Variants in NLGN1 observed in about 807,000 individuals in gnomAD.
NLGN1 encodes the protein neuroligin-1.
NLGN1 carries 12 observed loss-of-function variants against 65.5 expected under a neutral mutation model. The ratio of observed to expected loss-of-function variants is 0.18; its 90% CI spans 0.12 to 0.30. The LOEUF (loss-of-function observed/expected upper bound fraction) is 0.30, where lower values mean the gene tolerates loss of function less well. Among genes scored for constraint, NLGN1 ranks in the 10% least tolerant of loss-of-function variants. The pLI is 1.00. For missense variants in NLGN1, 750 were observed against 1,007.1 expected (o/e 0.74, Z 3.46); for synonymous variants, 350 against 359.5 (o/e 0.97, Z 0.30).
intron 4 of NLGN1, among the ~76,000 whole-genome samples, chr3:173,984,518 GTC>G (rs761550055): frequency 6.6e-6 from 1 of 152,056 alleles, no homozygotes; most frequent in African/African-American, 2.4e-5. Context: ...AAATTACTAT[GTC>G]TCTTTCTTAA....
intron 1 of NLGN1, among the ~76,000 whole-genome samples, chr3:173,405,620 A>G (rs527829747): frequency 2.0e-5 from 3 of 152,276 alleles, no homozygotes; most frequent in Non-Finnish European, 4.4e-5. Context: ...AGAAAGTATG[A>G]TTAAAATATA....
At chr3:173,499,535 C>T (rs1730649005) in intron 2 of NLGN1, among the ~76,000 whole-genome samples, 1 of 151,766 alleles carries the variant, frequency 6.6e-6, no homozygotes, top group South Asian at 2.1e-4. Flanking sequence ...CTTGGCAATG[C>T]AGGCTCTTTT....
At chr3:173,760,731 T>C (rs1306496679) in intron 3 of NLGN1, among the ~76,000 whole-genome samples, 1 of 152,016 alleles carries the variant, frequency 6.6e-6, no homozygotes, top group Non-Finnish European at 1.5e-5. Flanking sequence ...TTTGATAATA[T>C]TAAACCAAAT....
At chr3:173,572,700 T>C (rs1271496393) in intron 2 of NLGN1, among the ~76,000 whole-genome samples, 13 of 152,200 alleles carry the variant, frequency 8.5e-5, no homozygotes, top group Admixed American at 7.9e-4. Context: ...GGAAACCAAA[T>C]ATGTTGCTGT....
At chr3:173,998,692 C>T (rs553456459) in intron 4 of NLGN1, among the ~76,000 whole-genome samples, 1 of 152,280 alleles carries the variant, frequency 6.6e-6, no homozygotes, top group East Asian at 1.9e-4. Context: ...AGACTTTATT[C>T]TCATAAGTCT....
intron 3 of NLGN1, among the ~76,000 whole-genome samples, chr3:173,702,202 G>C (rs1767304163): frequency 1.4e-5 from 2 of 147,108 alleles, no homozygotes; most frequent in African/African-American, 5.1e-5. Context: ...TCCCGCCACT[G>C]CACTCCAGCC....
chr3:173,755,830 G>A (rs1343100986), intron 3 of NLGN1, among the ~76,000 whole-genome samples: 3 of 152,028 alleles, frequency 2.0e-5, no homozygotes, highest in Non-Finnish European at 4.4e-5. Flanking sequence ...TTTTTGGGGT[G>A]TTTAGCAAAT....
chr3:174,072,193 G>C (rs1375459201), intron 4 of NLGN1, among the ~76,000 whole-genome samples: 1 of 152,182 alleles, frequency 6.6e-6, no homozygotes, highest in Admixed American at 6.5e-5. Flanking sequence ...AGTGGTAATT[G>C]CATGCTCCTT....
At chr3:173,883,670 A>G (rs577248375) in intron 4 of NLGN1, among the ~76,000 whole-genome samples, 1 of 152,242 alleles carries the variant, frequency 6.6e-6, no homozygotes, top group Admixed American at 6.5e-5. Context: ...TGAAACATAT[A>G]TACATTATGT....
chr3:173,840,385 G>A (rs1489217987), intron 4 of NLGN1, among the ~76,000 whole-genome samples: 1 of 152,202 alleles, frequency 6.6e-6, no homozygotes, highest in Non-Finnish European at 1.5e-5. Flanking sequence ...ATTTGATAGA[G>A]TTTTCAAGTA....
intron 4 of NLGN1, among the ~76,000 whole-genome samples, chr3:174,093,143 A>C (rs1171338502): frequency 6.6e-6 from 1 of 152,220 alleles, no homozygotes; most frequent in Non-Finnish European, 1.5e-5. Context: ...AAAGGAATAC[A>C]ATCTTCCATT....
At chr3:173,428,715 T>C (rs1414772912) in intron 1 of NLGN1, among the ~76,000 whole-genome samples, 1 of 152,104 alleles carries the variant, frequency 6.6e-6, no homozygotes, top group African/African-American at 2.4e-5. Context: ...TGCATTTGTA[T>C]TTGTTCTTGC....
intron 4 of NLGN1, among the ~76,000 whole-genome samples, chr3:174,016,076 G>A (rs760972568): frequency 4.6e-5 from 7 of 152,136 alleles, no homozygotes; most frequent in Admixed American, 2.6e-4. Flanking sequence ...AGAGTAGATA[G>A]TATTGGGTTC....
intron 3 of NLGN1, among the ~76,000 whole-genome samples, chr3:173,694,071 C>T (rs989860819): frequency 1.3e-5 from 2 of 151,906 alleles, no homozygotes; most frequent in East Asian, 1.9e-4. Context: ...GAAACTGAAT[C>T]CCAAAGTATC....
intron 2 of NLGN1, among the ~76,000 whole-genome samples, chr3:173,560,111 T>C (rs1011559912): frequency 5.9e-5 from 9 of 151,998 alleles, no homozygotes; most frequent in African/African-American, 2.2e-4. Context: ...GCCTGGCTAA[T>C]TTTTTGTATT....
intron 2 of NLGN1, among the ~76,000 whole-genome samples, chr3:173,579,141 A>G (rs1745995690): frequency 2.0e-5 from 3 of 152,196 alleles, no homozygotes; most frequent in Admixed American, 1.3e-4. Flanking sequence ...TCTCTAACCA[A>G]CATTGATGAA....
chr3:173,437,455 G>T (rs1322023253), intron 2 of NLGN1, among the ~76,000 whole-genome samples: 4 of 152,158 alleles, frequency 2.6e-5, no homozygotes, highest in Non-Finnish European at 5.9e-5. Context: ...AATAAAACAT[G>T]CATTGGAATT....
intron 4 of NLGN1, among the ~76,000 whole-genome samples, chr3:173,864,830 G>C (rs1325914909): frequency 6.6e-6 from 1 of 152,126 alleles, no homozygotes; most frequent in Non-Finnish European, 1.5e-5. Flanking sequence ...CTGGTAAGCA[G>C]GGATATTTGT....
At chr3:173,516,569 A>G (rs923123520) in intron 2 of NLGN1, among the ~76,000 whole-genome samples, 1 of 152,044 alleles carries the variant, frequency 6.6e-6, no homozygotes, top group African/African-American at 2.4e-5. Flanking sequence ...ATAGATGCCA[A>G]TAATTATCTT....
Sources: gnomAD v4.1 joint callset for allele counts (sites outside exome capture counted in the v4.1 genomes callset) on GRCh38, gnomAD v4.1.1 for gene constraint, MANE v1.5 for transcripts, NCBI Gene and HGNC (gene_info 2026-07-23, HGNC 2026-07-21) for gene names.